FLNC: variants seen among roughly 807,000 people sequenced by gnomAD.
The protein encoded by FLNC is filamin-C.
In FLNC, 91 loss-of-function variants were observed where a neutral mutation model predicts 254.3. That is an observed-to-expected ratio of 0.36 (90% confidence interval 0.30 to 0.43). FLNC has a LOEUF of 0.43. Among genes scored for constraint, FLNC ranks in the 20% least tolerant of loss-of-function variants. The probability of loss-of-function intolerance (pLI) is 1.00; values close to 1 mark genes in which losing one functional copy is unlikely to be tolerated. For missense variants in FLNC, 2,853 were observed against 3,802.6 expected (o/e 0.75, Z 6.57); for synonymous variants, 1,430 against 1,577.2 (o/e 0.91, Z 2.21).
Position 128,840,533 on chromosome 7 carries a change from C to A in FLNC, c.1550-15C>A. ...TTGATCTGCCTTCTTCCCCACCCTGCCCCCATCTCCTCAGAGGGCACAGAG... is the reference window on the plus strand; with the variant it reads ...TTGATCTGCCTTCTTCCCCACCCTGACCCCATCTCCTCAGAGGGCACAGAG... On this transcript the variant is annotated splice_polypyrimidine_tract_variant and intron_variant, in intron 9 of 47. Coordinates refer to ENST00000325888, the MANE Select transcript of FLNC (RefSeq NM_001458.5). 1 of 1,614,124 alleles carries A rather than the reference C, an allele frequency of 6.2e-7. No individual in the cohort carries two copies. Among genetic ancestry groups the A allele is most frequent in the Non-Finnish European group, 8.5e-7 (1 of 1,180,012 alleles).
chr7:128,848,650 G>T lies in FLNC; in HGVS notation c.4670G>T (p.Ser1557Ile). Residue 1557 changes from serine (S) to isoleucine (I), a missense_variant, in exon 27 of 48, where the codon AGC becomes ATC. Ser to Ile is a moderately radical substitution (Grantham distance 142, BLOSUM62 -2). Transcript: ENST00000325888. ...PGLNASGIPA[S>I]LPVEFTIDAR... ...CTCAACGCCTCTGGCATCCCTGCCA[G>T]CCTGCCTGTGGAGTTCACCATCGAC... is the stretch of plus-strand genomic sequence containing the variant. 1 of 1,613,554 alleles carries T rather than the reference G, an allele frequency of 6.2e-7. No individual in the cohort carries two copies. The highest frequency in any genetic ancestry group is 8.5e-7 in the Non-Finnish European group (1 of 1,180,016).
Position 128,854,632 on chromosome 7 carries a change from A to G in FLNC, c.6947A>G (p.Lys2316Arg), listed in dbSNP as rs1563003855. Residue 2316 changes from lysine (K) to arginine (R), a missense_variant, in exon 41 of 48, where the codon AAG becomes AGG. Lys to Arg is a conservative substitution (Grantham distance 26). This residue lies in a region of FLNC where 551 missense variants were observed against 835.0 expected (regional missense o/e 0.66). Transcript: ENST00000325888. The stretch of plus-strand genomic sequence containing the variant: ...CCGCTGGGTGAAGGTGGTGCCCACA[A>G]GGTGCGGGCCGGAGGCACAGGGCTG... The part of the protein sequence containing the change: ...VGPLGEGGAH[K>R]VRAGGTGLER... 3.7e-6 allele frequency: 6 copies of G among 1,612,530 alleles called. No homozygotes were observed. The highest frequency in any genetic ancestry group is 5.1e-6 in the Non-Finnish European group (6 of 1,179,560).
In FLNC at chr7:128,830,688, G is replaced by C; in HGVS notation, c.51G>C (p.Glu17Asp). ...ACGCCGGCCTCGGCCTGGGCGATGA[G>C]ACAGACGAGATGCCGTCCACGGAGA... The part of the protein sequence containing the change: ...YSDAGLGLGD[E>D]TDEMPSTEKD... The change falls in exon 1 of 48, where the codon GAG (glutamate) becomes GAC (aspartate). Residue 17 changes from glutamate (E) to aspartate (D), a missense_variant. Transcript: ENST00000325888. 6.2e-7 allele frequency: 1 copy of C among 1,612,856 alleles called. No homozygotes were observed. The highest frequency in any genetic ancestry group is 8.5e-7 in the Non-Finnish European group (1 of 1,179,966).
At chr7:128,834,698 A>G (rs181818537) in intron 1 of FLNC, among the ~76,000 whole-genome samples, 3 of 152,314 alleles carry the variant, frequency 2.0e-5, no homozygotes, top group African/African-American at 7.2e-5. Context: ...AAAAGAGAGT[A>G]TATACTGTGT....
Position 128,830,430 on chromosome 7 carries a change from C to A in FLNC, c.-208C>A. On this transcript the variant is annotated 5_prime_UTR_variant, in exon 1 of 48. Transcript: ENST00000325888. ...CGCCCTTCCCGAGCACCGCTCCGGCCCTGGAGGGAGAGAGAGCCAGAGAGC... is the reference window on the plus strand; with the variant it reads ...CGCCCTTCCCGAGCACCGCTCCGGCACTGGAGGGAGAGAGAGCCAGAGAGC... 1 of 596,414 alleles carries A rather than the reference C, an allele frequency of 1.7e-6. No homozygotes were observed. The highest frequency in any genetic ancestry group is 3.0e-6 in the Non-Finnish European group (1 of 338,400). The allele number at this position is 596,414 out of a possible 1,614,324, so 36.9% of individuals were successfully genotyped here.
In FLNC at chr7:128,838,645, A is replaced by G. The variant is rs761139178; in HGVS notation, c.1253A>G (p.Gln418Arg). 1 of 1,612,938 alleles carries G rather than the reference A, an allele frequency of 6.2e-7. No homozygotes were observed. The highest frequency in any genetic ancestry group is 8.5e-7 in the Non-Finnish European group (1 of 1,180,016). ...GDVAVVIVDP[Q>R]GRRDTVEVAL... ...GTTGCTGTGGTGATCGTGGACCCAC[A>G]GGGCCGGCGGGACACAGTGGAGGTG... The change falls in exon 8 of 48, where the codon CAG becomes CGG. Residue 418 changes from glutamine to arginine, a missense_variant. This residue lies in a region of FLNC where 1,573 missense variants were observed against 1,883.5 expected (regional missense o/e 0.84). Coordinates refer to ENST00000325888, the MANE Select transcript of FLNC (RefSeq NM_001458.5).
In FLNC at chr7:128,841,484, A is replaced by G; in HGVS notation, c.2038A>G (p.Thr680Ala). Residue 680 changes from threonine to alanine, a missense_variant, in exon 13 of 48, where the codon ACC becomes GCC. Thr to Ala is a moderately conservative substitution (Grantham distance 58). Coordinates refer to ENST00000325888, the MANE Select transcript of FLNC (RefSeq NM_001458.5). This position sits in a 1 kb window ranked among gnomAD's most constrained non-coding sequence, Gnocchi z 4.3. Reference protein sequence around the residue: ...VKAFGPGLEPTGCIVDKPAEF... With the variant: ...VKAFGPGLEPAGCIVDKPAEF... ...GGCCTTTGGGCCTGGCCTGGAGCCT[A>G]CCGGCTGCATCGTGGACAAGCCCGC... 1 of 1,614,126 alleles carries G rather than the reference A, an allele frequency of 6.2e-7. No homozygotes were observed. Among genetic ancestry groups the G allele is most frequent in the South Asian group, 1.1e-5 (1 of 91,088 alleles).
At chr7:128,854,266 G>A (rs777289045) in intron 40 of FLNC, 50 bp downstream of exon 40, 10 of 1,604,022 alleles carry the variant, frequency 6.2e-6, no homozygotes, top group African/African-American at 1.3e-5. Context: ...GGATGGGAGG[G>A]TGCTGCGGAC....
Position 128,858,741 on chromosome 7 carries a change from G to T in FLNC, c.*218G>T. 5.1e-6 allele frequency: 3 copies of T among 584,894 alleles called. No individual in the cohort carries two copies. Among genetic ancestry groups the T allele is most frequent in the Non-Finnish European group, 9.2e-6 (3 of 325,676 alleles). The allele number at this position is 584,894 out of a possible 1,614,324, so 36.2% of individuals were successfully genotyped here. On this transcript the variant is annotated 3_prime_UTR_variant, in exon 48 of 48. Coordinates refer to ENST00000325888, the MANE Select transcript of FLNC (RefSeq NM_001458.5). This position sits in a 1 kb window ranked among gnomAD's most constrained non-coding sequence, Gnocchi z 6.7. The stretch of plus-strand genomic sequence containing the variant: ...GTGTCAGGACAGTGTCCCTCCCTGG[G>T]AATGTGACATGAGGGCCGACTGGGG...
intron 22 of FLNC, 56 bp from the exon 23 acceptor site, chr7:128,846,245 G>A: frequency 6.2e-7 from 1 of 1,612,024 alleles, no homozygotes; most frequent in Non-Finnish European, 8.5e-7. Context: ...CCTCGGGGCA[G>A]GAGGGGTGGT....
chr7:128,840,970 G>T lies in FLNC; in HGVS notation c.1813G>T (p.Gly605Cys). Residue 605 changes from glycine (G) to cysteine (C), a missense_variant and splice_region_variant, in exon 11 of 48, where the codon GGC (glycine) becomes TGC (cysteine). Physicochemically the swap from Gly to Cys is radical, Grantham distance 159. Around this residue, in one of 10 missense-constraint regions of FLNC, gnomAD observed 1,573 missense variants for 1,883.5 expected, o/e 0.84. Coordinates refer to ENST00000325888, the MANE Select transcript of FLNC (RefSeq NM_001458.5). The stretch of plus-strand genomic sequence containing the variant: ...CATTGGCACCGAGGTGGGGACACTG[G>T]GTAAGTGGCTGGGGGGCAGGAGGAG... ...EAIGTEVGTL[G>C]FSIEGPSQAK... 6.3e-7 allele frequency: 1 copy of T among 1,592,322 alleles called. No individual in the cohort carries two copies. The highest frequency in any genetic ancestry group is 8.6e-7 in the Non-Finnish European group (1 of 1,169,366).
intron 28 of FLNC, 94 bp downstream of exon 28, chr7:128,849,076 G>C: frequency 6.3e-7 from 1 of 1,588,434 alleles, no homozygotes; most frequent in Non-Finnish European, 8.6e-7. Flanking sequence ...TCTGCTGGTC[G>C]GAGAGCACAC....
intron 23 of FLNC, 59 bp from the exon 24 acceptor site, chr7:128,846,686 T>C: frequency 1.3e-6 from 2 of 1,559,504 alleles, no homozygotes; most frequent in Non-Finnish European, 1.8e-6. Context: ...CCCATTCAGC[T>C]ACTCCCTCAT....
chr7:128,848,295 G>C (rs554379678), intron 26 of FLNC, among the ~76,000 whole-genome samples: 1 of 152,196 alleles, frequency 6.6e-6, no homozygotes, highest in East Asian at 1.9e-4. Flanking sequence ...AGTGCAGGAG[G>C]CCTGGGCCAG....
Position 128,847,686 on chromosome 7 carries a change from T to A in FLNC, c.4289-11T>A. 1 of 1,613,834 alleles carries A rather than the reference T, an allele frequency of 6.2e-7. No homozygotes were observed. ...GCTGGTGGGCAGGGTCTAATGTCCT[T>A]CTCCTCACAGGGAGCCCGTTCCGCG... is the stretch of plus-strand genomic sequence containing the variant. On this transcript the variant is annotated splice_polypyrimidine_tract_variant and intron_variant, in intron 24 of 47. Coordinates refer to ENST00000325888, the MANE Select transcript of FLNC (RefSeq NM_001458.5).
In FLNC at chr7:128,844,166, C is replaced by G. The variant is rs372467579; in HGVS notation, c.3092C>G (p.Pro1031Arg). 6.2e-7 allele frequency: 1 copy of G among 1,613,758 alleles called. No individual in the cohort carries two copies. The highest frequency in any genetic ancestry group is 8.5e-7 in the Non-Finnish European group (1 of 1,180,004). Residue 1031 changes from proline (P) to arginine (R), a missense_variant, in exon 20 of 48, where the codon CCG (proline) becomes CGG (arginine). By Grantham distance (103) the Pro-to-Arg change is moderately radical. This residue lies in a region of FLNC where 1,573 missense variants were observed against 1,883.5 expected (regional missense o/e 0.84). Transcript: ENST00000325888. ...AEAQAVRYMP[P>R]EEGPYKVDIT... ...GCCCAGGCTGTGCGCTACATGCCCC[C>G]GGAGGAGGGGCCCTACAAGGTGGAT...
chr7:128,837,382 C>T lies in FLNC; in HGVS notation c.700-16C>T, dbSNP rs1356794321. On this transcript the variant is annotated splice_polypyrimidine_tract_variant and intron_variant, in intron 3 of 47. Coordinates refer to ENST00000325888, the MANE Select transcript of FLNC (RefSeq NM_001458.5). ...GAAAAGAGGGCGCCATGTGACATCA[C>T]TCCTTTCCATCGCAGGTCATTGCCC... is the stretch of plus-strand genomic sequence containing the variant. 1.2e-6 allele frequency: 2 copies of T among 1,614,054 alleles called. No homozygotes were observed. The highest frequency in any genetic ancestry group is 1.7e-6 in the Non-Finnish European group (2 of 1,179,998).
rs757478509 is a variant in FLNC, at chr7:128,837,639, A to G, written c.853A>G (p.Ile285Val). 50 of 1,612,306 alleles carry G rather than the reference A, an allele frequency of 3.1e-5. No homozygotes were observed. The South Asian group carries it at 5.3e-4, about 17-fold the overall frequency. Reference protein sequence around the residue: ...PKKAIAYGPGIEPQGNTVLQP... With the variant: ...PKKAIAYGPGVEPQGNTVLQP... The stretch of plus-strand genomic sequence containing the variant: ...TGGGCTCTGCTCCTGCCCCGTAGGC[A>G]TCGAGCCACAGGGCAACACCGTGCT... Residue 285 changes from isoleucine to valine, a missense_variant and splice_region_variant, in exon 5 of 48, where the codon ATC becomes GTC. This residue lies in a region of FLNC where 1,573 missense variants were observed against 1,883.5 expected (regional missense o/e 0.84). Coordinates refer to ENST00000325888, the MANE Select transcript of FLNC (RefSeq NM_001458.5).
intron 42 of FLNC, 51 bp from the exon 43 acceptor site, chr7:128,855,148 G>A (rs536139778): frequency 4.5e-6 from 6 of 1,335,462 alleles, no homozygotes; most frequent in Admixed American, 1.7e-5. Context: ...GGAGGCTCCC[G>A]CCCTGCCAAC....
Sources: gnomAD v4.1 joint callset for allele counts (sites outside exome capture counted in the v4.1 genomes callset) on GRCh38, gnomAD v4.1.1 for gene constraint, gnomAD v4.1.1 regional missense constraint, Gnocchi (gnomAD v3.1) non-coding constraint, MANE v1.5 for transcripts, NCBI Gene and HGNC (gene_info 2026-07-23, HGNC 2026-07-21) for gene names.